The following PRKG1 variants were observed in gnomAD, a reference collection of about 807,000 sequenced individuals.
The protein encoded by PRKG1 is protein kinase cGMP-dependent 1, also known as cGMP-dependent protein kinase 1.
A neutral mutation model predicts 88.1 loss-of-function variants in PRKG1; 35 were observed. The ratio of observed to expected loss-of-function variants is 0.40; its 90% CI spans 0.30 to 0.53. The LOEUF is 0.53. Ranked by LOEUF, PRKG1 falls within the 20% of genes least tolerant of loss-of-function variation. The probability of loss-of-function intolerance (pLI) is 0.59; values close to 1 mark genes in which losing one functional copy is unlikely to be tolerated. For missense variants in PRKG1, 540 were observed against 839.8 expected, an observed-to-expected ratio of 0.64 and a Z score of 4.41; for synonymous variants, 303 against 292.5, an observed-to-expected ratio of 1.04 and a Z score of -0.37.
rs144023872 is a variant in PRKG1 at position 51,346,368 on chromosome 10, A to G, written c.479-121355A>G. 6.8e-3 allele frequency among the ~76,000 whole-genome samples: 1,041 copies of G among 152,342 alleles called. 7 individuals carry two copies. The highest frequency in any genetic ancestry group is 0.013 in the Admixed American group (196 of 15,304). On this transcript the variant is annotated intron_variant, in intron 2 of 17. Transcript: ENST00000373980. ...TAAGCATGTCTTTTAGGATGAAAAT[A>G]TGTATTATACACTTAATTATTTTAA...
chr10:51,572,819 A>T (rs1216018327), intron 3 of PRKG1, among the ~76,000 whole-genome samples: 1 of 151,798 alleles, frequency 6.6e-6, no homozygotes. Flanking sequence ...TATTTTACGC[A>T]TTGTACCATG....
At chr10:52,180,859 G>A (rs1365923644) in intron 9 of PRKG1, among the ~76,000 whole-genome samples, 1 of 152,146 alleles carries the variant, frequency 6.6e-6, no homozygotes, top group Admixed American at 6.5e-5. Context: ...ACAATTTCCT[G>A]CCCAGGCTGG....
chr10:51,541,924 G>C (rs1842313398), intron 3 of PRKG1, among the ~76,000 whole-genome samples: 1 of 151,846 alleles, frequency 6.6e-6, no homozygotes, highest in Admixed American at 6.6e-5. Flanking sequence ...CAGCATAACA[G>C]GTTTGAATAA....
intron 1 of PRKG1, among the ~76,000 whole-genome samples, chr10:50,993,668 C>A (rs781702921): frequency 1.2e-4 from 19 of 152,206 alleles, no homozygotes; most frequent in Non-Finnish European, 2.4e-4. Flanking sequence ...CTGGGCTATG[C>A]CCCTCGAACA....
chr10:52,010,113 G>A (rs1027190404), intron 5 of PRKG1, among the ~76,000 whole-genome samples: 2 of 152,082 alleles, frequency 1.3e-5, no homozygotes, highest in Admixed American at 6.6e-5. Context: ...AAAAGAATGG[G>A]CAAAGATTTC....
chr10:51,664,304 T>A (rs1840370923), intron 3 of PRKG1, among the ~76,000 whole-genome samples: 1 of 152,200 alleles, frequency 6.6e-6, no homozygotes, highest in Non-Finnish European at 1.5e-5. Context: ...TTTCTTTCTG[T>A]TGTTTGGCCC....
chr10:51,420,722 A>G (rs1286673540), intron 2 of PRKG1, among the ~76,000 whole-genome samples: 1 of 152,286 alleles, frequency 6.6e-6, no homozygotes, highest in East Asian at 1.9e-4. Flanking sequence ...CTAAAGAAAT[A>G]CCTGAGACTG....
chr10:51,077,713 G>A (rs1191986854), intron 1 of PRKG1, among the ~76,000 whole-genome samples: 1 of 152,184 alleles, frequency 6.6e-6, no homozygotes, highest in Non-Finnish European at 1.5e-5. Context: ...TATGAGGTAG[G>A]AGGAGGGTTT....
intron 2 of PRKG1, among the ~76,000 whole-genome samples, chr10:51,175,669 T>C (rs1837172440): frequency 6.6e-6 from 1 of 152,086 alleles, no homozygotes; most frequent in South Asian, 2.1e-4. Flanking sequence ...CTCTCACATC[T>C]TCTTGGGTAA....
intron 1 of PRKG1, among the ~76,000 whole-genome samples, chr10:51,031,476 G>A (rs1787501256): frequency 6.6e-6 from 1 of 152,112 alleles, no homozygotes; most frequent in Non-Finnish European, 1.5e-5. Context: ...TCTCTAAATA[G>A]ATATTATTTA....
intron 2 of PRKG1, among the ~76,000 whole-genome samples, chr10:51,273,858 C>T (rs1840045842): frequency 1.3e-5 from 2 of 152,290 alleles, no homozygotes; most frequent in East Asian, 1.9e-4. Flanking sequence ...CTTTCGGCAC[C>T]GGATCTCAGG....
intron 3 of PRKG1, chr10:51,697,858 A>G: frequency 8.7e-6 from 14 of 1,614,046 alleles, no homozygotes; most frequent in Non-Finnish European, 1.2e-5. Flanking sequence ...GGCTCTGCCC[A>G]GGACTAAAAC....
intron 3 of PRKG1, among the ~76,000 whole-genome samples, chr10:51,674,753 C>T (rs536023522): frequency 1.2e-4 from 19 of 152,224 alleles, no homozygotes; most frequent in Non-Finnish European, 2.5e-4. Context: ...GAACCCGAGA[C>T]GTTCTAGCAT....
rs1184545449 is a variant in PRKG1, at chr10:51,858,274, TAC to T, written c.699-49231_699-49230del. 6.5e-4 allele frequency among the ~76,000 whole-genome samples: 10 copies of T among 15,294 alleles called. 3 individuals are homozygous for T. The highest frequency in any genetic ancestry group is 1.1e-3 in the African/African-American group (3 of 2,800). 10.0% of individuals were successfully genotyped at this position (15,294 alleles called of 152,430 possible). On this transcript the variant is annotated intron_variant, in intron 4 of 17. Coordinates refer to ENST00000373980, the MANE Select transcript of PRKG1 (RefSeq NM_006258.4). ...CATATTATACATATATATAATATTA[TAC>T]ATATGTATAATTATACATATGTATA... is the stretch of plus-strand genomic sequence containing the variant.
chr10:52,033,848 A>T (rs1229447097), intron 5 of PRKG1, among the ~76,000 whole-genome samples: 1 of 152,032 alleles, frequency 6.6e-6, no homozygotes, highest in Non-Finnish European at 1.5e-5. Context: ...ACTGAGTCCG[A>T]AAAGAGAGTC....
intron 7 of PRKG1, among the ~76,000 whole-genome samples, chr10:52,105,632 T>A (rs1024941413): frequency 3.9e-5 from 6 of 152,178 alleles, no homozygotes; most frequent in African/African-American, 9.7e-5. Flanking sequence ...TAGTTTTTTT[T>A]AAACTTTTAA....
Position 51,698,093 on chromosome 10 carries a change from C to T in PRKG1, c.593-106492C>T, listed in dbSNP as rs139988598. On this transcript the variant is annotated intron_variant, in intron 3 of 17. Coordinates refer to ENST00000373980, the MANE Select transcript of PRKG1 (RefSeq NM_006258.4). Reference sequence around the variant, plus strand: ...CTGTCTGGGTCCCTGAGGAGGGCCACCTGCCCCTATATTAATGGGACCAGG... The same window carrying T: ...CTGTCTGGGTCCCTGAGGAGGGCCATCTGCCCCTATATTAATGGGACCAGG... 102 of 1,614,102 alleles carry T rather than the reference C, an allele frequency of 6.3e-5. No homozygotes were observed. In the African/African-American group the frequency reaches 8.3e-4, roughly 13 times the overall value.
intron 5 of PRKG1, among the ~76,000 whole-genome samples, chr10:51,956,865 A>C (rs1450616538): frequency 6.6e-6 from 1 of 152,236 alleles, no homozygotes; most frequent in South Asian, 2.1e-4. Flanking sequence ...GGTACTGTCC[A>C]GATCTATATG....
At chr10:51,818,274 T>G (rs1839644537) in intron 4 of PRKG1, among the ~76,000 whole-genome samples, 1 of 152,190 alleles carries the variant, frequency 6.6e-6, no homozygotes, top group Non-Finnish European at 1.5e-5. Flanking sequence ...ATACATTGTC[T>G]CACTGATAAC....
Sources: gnomAD v4.1 joint callset for allele counts (sites outside exome capture counted in the v4.1 genomes callset) on GRCh38, gnomAD v4.1.1 for gene constraint, MANE v1.5 for transcripts, NCBI Gene and HGNC (gene_info 2026-07-23, HGNC 2026-07-21) for gene names.